Variants in SHANK2 observed in about 807,000 individuals in gnomAD.
SHANK2 encodes the protein SH3 and multiple ankyrin repeat domains protein 2.
SHANK2 carries 43 observed loss-of-function variants against 133.7 expected under a neutral mutation model. The observed-to-expected ratio is 0.32, with a 90% CI of 0.25 to 0.41. The LOEUF (loss-of-function observed/expected upper bound fraction) is 0.41. Among genes scored for constraint, SHANK2 ranks in the 10% least tolerant of loss-of-function variants. The pLI is 1.00. For missense variants in SHANK2, 1,994 were observed against 2,235.8 expected, an observed-to-expected ratio of 0.89 and a Z score of 2.18; for synonymous variants, 1,017 against 952.8, an observed-to-expected ratio of 1.07 and a Z score of -1.24.
intron 17 of SHANK2, among the ~76,000 whole-genome samples, chr11:70,595,802 A>G (rs2060391527): frequency 6.6e-6 from 1 of 152,242 alleles, no homozygotes; most frequent in African/African-American, 2.4e-5. Flanking sequence ...CCCAGCCACA[A>G]AACCCTTCTC....
At chr11:71,086,026 ATGT>A (rs1951399277) in intron 8 of SHANK2, among the ~76,000 whole-genome samples, 6 of 86,178 alleles carry the variant, frequency 7.0e-5, no homozygotes, top group African/African-American at 1.4e-4. Flanking sequence ...AACATATTAT[ATGT>A]TATATATATT....
At chr11:70,936,584 C>A (rs1051040290) in intron 10 of SHANK2, among the ~76,000 whole-genome samples, 1 of 152,076 alleles carries the variant, frequency 6.6e-6, no homozygotes, top group Non-Finnish European at 1.5e-5. Flanking sequence ...GAAGCAAGAC[C>A]ATGTGTTTGT....
chr11:71,124,792 T>C lies in SHANK2; in HGVS notation c.208-5760A>G, dbSNP rs150174430. On this transcript the variant is annotated intron_variant, in intron 3 of 25. Transcript: ENST00000601538. ...GAGGCATATCCCATTCTATTTCACT[T>C]GCTTTATTGAGCTTCACAGAGAAGG... 3.2e-3 allele frequency among the ~76,000 whole-genome samples: 490 copies of C among 152,340 alleles called. 2 individuals carry two copies. The highest frequency in any genetic ancestry group is 0.011 in the African/African-American group (459 of 41,576).
chr11:70,885,891 G>A (rs1312027600), intron 11 of SHANK2, among the ~76,000 whole-genome samples: 2 of 152,120 alleles, frequency 1.3e-5, no homozygotes, highest in African/African-American at 4.8e-5. Flanking sequence ...TCCCATCCCC[G>A]CCAGTCAACT....
intron 17 of SHANK2, among the ~76,000 whole-genome samples, chr11:70,612,923 T>C (rs1554994739): frequency 6.6e-6 from 1 of 152,182 alleles, no homozygotes; most frequent in African/African-American, 2.4e-5. Context: ...ATTCATTCAT[T>C]CTCCCACCAG....
At chr11:70,713,486 G>A (rs546601826) in intron 14 of SHANK2, among the ~76,000 whole-genome samples, 42 of 152,376 alleles carry the variant, frequency 2.8e-4, no homozygotes, top group South Asian at 2.5e-3. Context: ...CAAGGCCCAC[G>A]TAGCAGTGGC....
At chr11:70,696,192 C>A (rs1945387849) in intron 15 of SHANK2, among the ~76,000 whole-genome samples, 1 of 152,208 alleles carries the variant, frequency 6.6e-6, no homozygotes, top group Non-Finnish European at 1.5e-5. Context: ...CCTCCTGAGG[C>A]AGCCTGAACA....
chr11:71,147,037 G>A, intron 3 of SHANK2, 83 bp downstream of exon 3: 1 of 1,209,014 alleles, frequency 8.3e-7, no homozygotes, highest in Non-Finnish European at 1.1e-6. Flanking sequence ...GTGGGTCCGG[G>A]GAGGACCAGA....
chr11:71,208,322 T>C (rs868939210), intron 2 of SHANK2, among the ~76,000 whole-genome samples: 1 of 150,696 alleles, frequency 6.6e-6, no homozygotes, highest in Middle Eastern at 3.4e-3. Flanking sequence ...GATGGGGAAG[T>C]TGGGGGGAGA....
intron 11 of SHANK2, among the ~76,000 whole-genome samples, chr11:70,838,298 G>T (rs1169340702): frequency 6.6e-6 from 1 of 152,138 alleles, no homozygotes; most frequent in Non-Finnish European, 1.5e-5. Flanking sequence ...TCAACACTTG[G>T]GTTGTTTGAT....
intron 2 of SHANK2, among the ~76,000 whole-genome samples, chr11:71,193,446 G>A (rs938037393): frequency 3.3e-5 from 5 of 152,222 alleles, no homozygotes; most frequent in African/African-American, 1.2e-4. Flanking sequence ...CCCAGGGCTT[G>A]ACCTTGCGCT....
intron 11 of SHANK2, among the ~76,000 whole-genome samples, chr11:70,838,491 G>A (rs1948857139): frequency 6.6e-6 from 1 of 152,158 alleles, no homozygotes; most frequent in South Asian, 2.1e-4. Context: ...TCAGTGCAAT[G>A]CCTTGCCCCG....
chr11:70,576,498 G>C (rs559807474), intron 17 of SHANK2, among the ~76,000 whole-genome samples: 34 of 152,262 alleles, frequency 2.2e-4, no homozygotes, highest in Non-Finnish European at 4.3e-4. Context: ...TTAGCCAGGC[G>C]TGGTGGTGGG....
intron 17 of SHANK2, among the ~76,000 whole-genome samples, chr11:70,618,215 A>C (rs1554996693): frequency 6.6e-6 from 1 of 150,952 alleles, no homozygotes; most frequent in South Asian, 2.1e-4. Flanking sequence ...AATCATTTGA[A>C]CCCAGGAGGC....
intron 2 of SHANK2, among the ~76,000 whole-genome samples, chr11:71,178,039 TAGAG>T (rs1412397435): frequency 3.3e-5 from 5 of 152,174 alleles, no homozygotes; most frequent in Non-Finnish European, 4.4e-5. Context: ...GAAGTTTAAA[TAGAG>T]AGTAACATCT....
At chr11:70,547,733 T>C (rs1554976653) in intron 17 of SHANK2, among the ~76,000 whole-genome samples, 1 of 152,230 alleles carries the variant, frequency 6.6e-6, no homozygotes, top group Non-Finnish European at 1.5e-5. Context: ...CCCGCTTGAA[T>C]AGCTGACTTG....
At chr11:70,492,486 T>C (rs782555425) in intron 21 of SHANK2, 21 bp from the exon 22 acceptor site, 44 of 1,613,372 alleles carry the variant, frequency 2.7e-5, no homozygotes, top group Non-Finnish European at 3.2e-5. Context: ...ACCGTGAGGA[T>C]TGGAGCAGCA....
chr11:71,107,871 G>C (rs782450204), intron 6 of SHANK2, among the ~76,000 whole-genome samples: 1 of 152,324 alleles, frequency 6.6e-6, no homozygotes, highest in South Asian at 2.1e-4. Flanking sequence ...ATTACAGGGG[G>C]CACATCAGGA....
chr11:71,103,390 C>T (rs2135176815), intron 6 of SHANK2, among the ~76,000 whole-genome samples: 1 of 152,288 alleles, frequency 6.6e-6, no homozygotes, highest in East Asian at 1.9e-4. Flanking sequence ...CAACAGGCTT[C>T]CCAGGATATG....
Sources: gnomAD v4.1 joint callset for allele counts (sites outside exome capture counted in the v4.1 genomes callset) on GRCh38, gnomAD v4.1.1 for gene constraint, MANE v1.5 for transcripts, NCBI Gene and HGNC (gene_info 2026-07-23, HGNC 2026-07-21) for gene names.